The following LAIR2 variants were observed in gnomAD, a reference collection of about 807,000 sequenced individuals.
The protein encoded by LAIR2 is leukocyte associated immunoglobulin like receptor 2, also known as leukocyte-associated immunoglobulin-like receptor 2.
Under a neutral mutation model 14.8 loss-of-function variants are expected in LAIR2, and 14 were observed. That is an observed-to-expected ratio of 0.95 (90% confidence interval 0.62 to 1.48). The LOEUF (loss-of-function observed/expected upper bound fraction) is 1.48, where lower values mean the gene tolerates loss of function less well. LAIR2 is among the 40% of genes most tolerant of loss of function. The pLI, the probability that LAIR2 is intolerant of heterozygous loss-of-function variation, is 0.00. For synonymous variants in LAIR2, 75 were observed against 74.5 expected (o/e 1.01, Z -0.03); for missense variants, 172 against 180.9 (o/e 0.95, Z 0.28).
At chr19:54,510,237 A>G (rs1471105065) in intron 4 of LAIR2, among the ~76,000 whole-genome samples, 1 of 143,656 alleles carries the variant, frequency 7.0e-6, no homozygotes, top group African/African-American at 2.8e-5. Context: ...TCATGCAGTG[A>G]CATATAAAGG....
chr19:54,503,880 C>T (rs2123386575), intron 2 of LAIR2, 145 bp downstream of exon 2: 1 of 995,964 alleles, frequency 1.0e-6, no homozygotes. Flanking sequence ...ATGTAAAATG[C>T]ATAACCCTCA....
chr19:54,506,270 A>G (rs773042936), intron 2 of LAIR2, among the ~76,000 whole-genome samples: 2 of 152,122 alleles, frequency 1.3e-5, no homozygotes, highest in Non-Finnish European at 2.9e-5. Flanking sequence ...CTCCTGTGCG[A>G]ATCATTTTTT....
chr19:54,503,068 C>G (rs1453983636), intron 1 of LAIR2, 116 bp downstream of exon 1: 8 of 933,890 alleles, frequency 8.6e-6, no homozygotes, highest in Admixed American at 6.7e-5. Context: ...TCCTCCTCCC[C>G]CCAAGACTGC....
chr19:54,508,063 G>A lies in LAIR2; in HGVS notation c.243G>A (p.Glu81=). ...ATGTGTTTCGACTTGGTCCATCTGA[G>A]TCAGAGGCCAGATTCCACATTGACT... ...SYNVFRLGPS[E]SEARFHIDSV... Residue 81 remains glutamate, a synonymous_variant, in exon 3 of 5, where the codon GAG becomes GAA. Coordinates refer to ENST00000301202, the MANE Select transcript of LAIR2 (RefSeq NM_002288.6). 6.2e-7 allele frequency: 1 copy of A among 1,614,216 alleles called. No individual in the cohort carries two copies.
At chr19:54,505,515 C>G (rs2085349516) in intron 2 of LAIR2, among the ~76,000 whole-genome samples, 1 of 152,278 alleles carries the variant, frequency 6.6e-6, no homozygotes, top group Admixed American at 6.5e-5. Context: ...CTTCCTGACC[C>G]CAGGGACTGG....
chr19:54,503,287 T>C (rs551275907), intron 1 of LAIR2, among the ~76,000 whole-genome samples: 4 of 151,872 alleles, frequency 2.6e-5, no homozygotes, highest in East Asian at 1.9e-4. Flanking sequence ...GTGGTGAAAC[T>C]CCATCTCTAC....
chr19:54,507,416 C>A (rs1180996080), intron 2 of LAIR2, among the ~76,000 whole-genome samples: 1 of 152,042 alleles, frequency 6.6e-6, no homozygotes, highest in African/African-American at 2.4e-5. Context: ...AGCCTGGCAA[C>A]CCCCGTCCCA....
chr19:54,503,050 G>A (rs1477238236), intron 1 of LAIR2, 98 bp downstream of exon 1: 3 of 1,198,970 alleles, frequency 2.5e-6, no homozygotes, highest in Non-Finnish European at 3.6e-6. Context: ...ATTCTGGGGA[G>A]GAAAGTGTCC....
intron 4 of LAIR2, among the ~76,000 whole-genome samples, chr19:54,509,824 G>A (rs2085437490): frequency 6.6e-6 from 1 of 151,626 alleles, no homozygotes; most frequent in Non-Finnish European, 1.5e-5. Flanking sequence ...CAAGTCCCTG[G>A]GTCTCAAGTT....
rs2085393058 is a variant in LAIR2 at position 54,507,921 on chromosome 19, A to G, written c.101A>G (p.Glu34Gly). ...CTTCCCAGACCCTCCATCTCGGCTG[A>G]GCCAGGCACTGTGATCTCCCCGGGG... ...GALPRPSISA[E>G]PGTVISPGSH... Residue 34 changes from glutamate to glycine, a missense_variant, in exon 3 of 5, where the codon GAG (glutamate) becomes GGG (glycine). Around this residue, in one of 2 missense-constraint regions of LAIR2, gnomAD observed 161 missense variants for 149.0 expected, o/e 1.08. Transcript: ENST00000301202. 9 of 1,614,078 alleles carry G rather than the reference A, an allele frequency of 5.6e-6. No homozygotes were observed. In the East Asian group the frequency reaches 2.0e-4, roughly 36 times the overall value.
intron 2 of LAIR2, among the ~76,000 whole-genome samples, chr19:54,506,141 AT>A (rs1186556565): frequency 6.6e-6 from 1 of 152,044 alleles, no homozygotes; most frequent in African/African-American, 2.4e-5. Context: ...TTAAAAGTTA[AT>A]TAATTCAGTT....
At chr19:54,508,320 TCCCC>T (rs2123401616) in intron 3 of LAIR2, 136 bp downstream of exon 3, 7 of 799,048 alleles carry the variant, frequency 8.8e-6, no homozygotes, top group South Asian at 5.4e-5. Flanking sequence ...AGCCCTCCCC[TCCCC>T]TTCTTCCTCT....
At position 54,505,117 on chromosome 19, in the gene LAIR2, T is replaced by G. The variant is rs115146720; in HGVS notation, c.70+1382T>G. On this transcript the variant is annotated intron_variant, in intron 2 of 4. Coordinates refer to ENST00000301202, the MANE Select transcript of LAIR2 (RefSeq NM_002288.6). ...TGGTGGTTATATAACTCAGGTTATT[T>G]CCAGGTCTTGGCAGCTGTGAGTAGC... 4.0e-3 allele frequency among the ~76,000 whole-genome samples: 604 copies of G among 152,286 alleles called. 7 individuals carry two copies. Among genetic ancestry groups the G allele is most frequent in the African/African-American group, 0.013 (542 of 41,540 alleles).
rs1467445129 is a variant in LAIR2 at position 54,508,140 on chromosome 19, C to T, written c.320C>T (p.Pro107Leu). 3 of 1,613,910 alleles carry T rather than the reference C, an allele frequency of 1.9e-6. No homozygotes were observed. The highest frequency in any genetic ancestry group is 2.2e-5 in the East Asian group (1 of 44,892). The change falls in exon 3 of 5, where the codon CCT (proline) becomes CTT (leucine). Residue 107 changes from proline (P) to leucine (L), a missense_variant. Around this residue, in one of 2 missense-constraint regions of LAIR2, gnomAD observed 161 missense variants for 149.0 expected, o/e 1.08. Coordinates refer to ENST00000301202, the MANE Select transcript of LAIR2 (RefSeq NM_002288.6). ...TATCGCTGCCTCTATTATAAGCCCCCTGGATGGTCTGAGCACAGTGACTTC... is the reference window on the plus strand; with the variant it reads ...TATCGCTGCCTCTATTATAAGCCCCTTGGATGGTCTGAGCACAGTGACTTC... Reference protein sequence around the residue: ...GLYRCLYYKPPGWSEHSDFLE... With the variant: ...GLYRCLYYKPLGWSEHSDFLE...
intron 1 of LAIR2, among the ~76,000 whole-genome samples, 191 bp from the exon 2 acceptor site, chr19:54,503,509 G>A (rs1304360465): frequency 6.6e-6 from 1 of 152,150 alleles, no homozygotes; most frequent in Non-Finnish European, 1.5e-5. Flanking sequence ...TTTGGAAGAG[G>A]AGACTTTGGG....
intron 4 of LAIR2, among the ~76,000 whole-genome samples, chr19:54,509,289 A>G (rs2085427162): frequency 6.8e-6 from 1 of 148,054 alleles, no homozygotes; most frequent in Admixed American, 6.7e-5. Flanking sequence ...ACCTTGTTCC[A>G]TGCCAGGAAC....
chr19:54,509,638 A>C (rs1386538851), intron 4 of LAIR2, among the ~76,000 whole-genome samples: 1 of 143,946 alleles, frequency 6.9e-6, no homozygotes, highest in Non-Finnish European at 1.5e-5. Context: ...TGAACGGTGG[A>C]GTAAGGTCCC....
intron 2 of LAIR2, among the ~76,000 whole-genome samples, chr19:54,505,423 T>C (rs547703402): frequency 3.9e-5 from 6 of 152,182 alleles, no homozygotes; most frequent in African/African-American, 1.4e-4. Flanking sequence ...TTTTCCTGCA[T>C]CACCCCCAGG....
intron 2 of LAIR2, among the ~76,000 whole-genome samples, chr19:54,504,969 A>G (rs2085338899): frequency 6.6e-6 from 1 of 152,124 alleles, no homozygotes; most frequent in Non-Finnish European, 1.5e-5. Flanking sequence ...AGCTTATTTC[A>G]CTTAGCATAA....
Sources: allele counts gnomAD v4.1 joint callset (sites outside exome capture counted in the v4.1 genomes callset), GRCh38; gene constraint gnomAD v4.1.1; regional missense constraint gnomAD v4.1.1; transcripts MANE v1.5; gene names NCBI Gene and HGNC (gene_info 2026-07-23, HGNC 2026-07-21).